The following AP3B1 variants were observed in gnomAD, a reference collection of about 807,000 sequenced individuals.
AP3B1 encodes the protein adaptor related protein complex 3 subunit beta 1.
In AP3B1, 61 loss-of-function variants were observed where a neutral mutation model predicts 132.5. The observed-to-expected ratio is 0.46, with a 90% CI of 0.37 to 0.57. The LOEUF (loss-of-function observed/expected upper bound fraction) is 0.57, where lower values mean the gene tolerates loss of function less well. Among genes scored for constraint, AP3B1 ranks in the 20% least tolerant of loss-of-function variants. The probability of loss-of-function intolerance (pLI) is 0.00; values close to 1 mark genes in which losing one functional copy is unlikely to be tolerated. For synonymous variants in AP3B1, 388 were observed against 438.3 expected (o/e 0.89, Z 1.43); for missense variants, 1,120 against 1,289.4 (o/e 0.87, Z 2.01).
At position 78,039,156 on chromosome 5, in the gene AP3B1, A is replaced by AGAT. The variant is rs750433644; in HGVS notation, c.2695_2696insATC (p.Met899delinsAsnLeu). The AGAT allele has an allele frequency of 4.3e-6, 7 of 1,613,668 alleles. No individual in the cohort carries two copies. In the African/African-American group the frequency reaches 9.3e-5, roughly 22 times the overall value. On this transcript the variant is annotated protein_altering_variant, in exon 23 of 27. Transcript: ENST00000255194. ...ATTCAGTGTTATTTGTATAGAGACC[A>AGAT]TCTTATCACCAAAAATGCAAGGCTG...
At chr5:78,205,420 CAT>C (rs370283868) in intron 7 of AP3B1, among the ~76,000 whole-genome samples, 1 of 151,310 alleles carries the variant, frequency 6.6e-6, no homozygotes, top group Non-Finnish European at 1.5e-5. Flanking sequence ...AAGATGGAAT[CAT>C]ATATATATAC....
chr5:78,081,438 G>A (rs1052431991), intron 22 of AP3B1, among the ~76,000 whole-genome samples: 7 of 150,986 alleles, frequency 4.6e-5, no homozygotes, highest in Non-Finnish European at 4.4e-5. Context: ...CTCCCGAGTA[G>A]CTGGGACTAC....
At chr5:78,133,578 T>A (rs1752773277) in intron 15 of AP3B1, among the ~76,000 whole-genome samples, 1 of 152,172 alleles carries the variant, frequency 6.6e-6, no homozygotes, top group African/African-American at 2.4e-5. Context: ...AGGGAAGCTG[T>A]TAGGAAGAAA....
intron 15 of AP3B1, among the ~76,000 whole-genome samples, chr5:78,130,908 C>T (rs1477081197): frequency 6.6e-6 from 1 of 151,824 alleles, no homozygotes; most frequent in Non-Finnish European, 1.5e-5. Flanking sequence ...GCTTATATTT[C>T]TTAGCCCAAA....
chr5:78,245,558 CAAGCCCTTTTCCCAACATG>C (rs1428932124), intron 2 of AP3B1, among the ~76,000 whole-genome samples: 2 of 152,194 alleles, frequency 1.3e-5, no homozygotes, highest in African/African-American at 4.8e-5. Context: ...AGACACCCCA[CAAGCCCTTTTCCCAACATG>C]AAGAAAGGAA....
At chr5:78,011,754 A>G (rs544155286) in intron 26 of AP3B1, among the ~76,000 whole-genome samples, 1 of 152,282 alleles carries the variant, frequency 6.6e-6, no homozygotes, top group Admixed American at 6.5e-5. Context: ...TACACTAAGT[A>G]TTTCTTTACC....
intron 2 of AP3B1, among the ~76,000 whole-genome samples, chr5:78,262,823 T>C (rs902460496): frequency 1.3e-5 from 2 of 151,438 alleles, no homozygotes; most frequent in Non-Finnish European, 2.9e-5. Flanking sequence ...CAGGCACAGG[T>C]AGTAATTTTT....
chr5:78,060,831 AAG>A (rs933877618), intron 22 of AP3B1, among the ~76,000 whole-genome samples: 21 of 152,206 alleles, frequency 1.4e-4, no homozygotes, highest in African/African-American at 4.8e-4. Flanking sequence ...TAGAAAGCAA[AAG>A]AGAATTTGCT....
In AP3B1 at chr5:78,113,154, C is replaced by T. The variant is rs549066826; in HGVS notation, c.2249+598G>A. ...AGCAGGCTCCCGGGGAAAGGACCATCATGTCGGCAGAGGCCACTCGCTGAC... is the reference window on the plus strand; with the variant it reads ...AGCAGGCTCCCGGGGAAAGGACCATTATGTCGGCAGAGGCCACTCGCTGAC... On this transcript the variant is annotated intron_variant, in intron 19 of 26. Transcript: ENST00000255194. Among the ~76,000 whole-genome samples the T allele has an allele frequency of 5.3e-5, 8 of 152,342 alleles. No homozygotes were observed. In the East Asian group the frequency reaches 9.6e-4, roughly 18 times the overall value.
chr5:78,059,482 T>C (rs1748951782), intron 22 of AP3B1, among the ~76,000 whole-genome samples: 1 of 152,260 alleles, frequency 6.6e-6, no homozygotes, highest in Non-Finnish European at 1.5e-5. Flanking sequence ...GAAACCTATC[T>C]TCAGAGTTTA....
chr5:78,186,032 C>T (rs77380474), intron 7 of AP3B1, among the ~76,000 whole-genome samples: 3 of 151,906 alleles, frequency 2.0e-5, no homozygotes, highest in Admixed American at 1.3e-4. Flanking sequence ...CTAAATGGGA[C>T]GCTTAAGCCT....
At chr5:78,139,279 CAG>C (rs1241355896) in intron 15 of AP3B1, among the ~76,000 whole-genome samples, 1 of 152,084 alleles carries the variant, frequency 6.6e-6, no homozygotes, top group Non-Finnish European at 1.5e-5. Flanking sequence ...CCAAACCAGA[CAG>C]AAAAAAATCC....
At chr5:78,199,081 T>C (rs1201300522) in intron 7 of AP3B1, among the ~76,000 whole-genome samples, 1 of 152,174 alleles carries the variant, frequency 6.6e-6, no homozygotes, top group South Asian at 2.1e-4. Flanking sequence ...TTGAGGACCA[T>C]TGAACACTGA....
chr5:78,054,665 G>A (rs1191722822), intron 22 of AP3B1, among the ~76,000 whole-genome samples: 3 of 152,178 alleles, frequency 2.0e-5, no homozygotes, highest in Non-Finnish European at 4.4e-5. Context: ...ATATTTCAGA[G>A]ATGGGACTGT....
intron 1 of AP3B1, among the ~76,000 whole-genome samples, chr5:78,286,013 C>A (rs1749264495): frequency 6.6e-6 from 1 of 152,146 alleles, no homozygotes; most frequent in Non-Finnish European, 1.5e-5. Flanking sequence ...TCAAAACTCT[C>A]CAAATGGCAT....
intron 2 of AP3B1, among the ~76,000 whole-genome samples, chr5:78,262,682 T>TC (rs1174927785): frequency 7.2e-6 from 1 of 139,590 alleles, no homozygotes. Context: ...TCAATTTTGT[T>TC]CTTTTTTTTT....
chr5:78,195,970 T>C (rs529560428), intron 7 of AP3B1, among the ~76,000 whole-genome samples: 3 of 152,158 alleles, frequency 2.0e-5, no homozygotes, highest in Non-Finnish European at 2.9e-5. Context: ...ACCTTGGGTA[T>C]GGCAACTTTT....
chr5:78,263,036 G>C (rs2112555989), intron 2 of AP3B1, among the ~76,000 whole-genome samples: 1 of 152,140 alleles, frequency 6.6e-6, no homozygotes, highest in African/African-American at 2.4e-5. Flanking sequence ...TAAATTTTAG[G>C]ATGAATTTTT....
At chr5:78,221,884 C>T (rs1253843359) in intron 6 of AP3B1, among the ~76,000 whole-genome samples, 1 of 152,054 alleles carries the variant, frequency 6.6e-6, no homozygotes, top group African/African-American at 2.4e-5. Flanking sequence ...TCCTGAAGTA[C>T]CTTGCAAAAG....
Sources: allele counts gnomAD v4.1 joint callset (sites outside exome capture counted in the v4.1 genomes callset), GRCh38; gene constraint gnomAD v4.1.1; transcripts MANE v1.5; gene names NCBI Gene and HGNC (gene_info 2026-07-23, HGNC 2026-07-21).